PLEC: variants seen among roughly 807,000 people sequenced by gnomAD.
PLEC encodes the protein plectin.
In PLEC, 216 loss-of-function variants were observed where a neutral mutation model predicts 392.8. That is an observed-to-expected ratio of 0.55 (90% confidence interval 0.49 to 0.62). The LOEUF is 0.62. Among genes scored for constraint, PLEC ranks in the 20% least tolerant of loss-of-function variants. PLEC has a pLI of 0.00. For synonymous variants in PLEC, 3,621 were observed against 2,980.6 expected (o/e 1.21, Z -7.00); for missense variants, 6,863 against 6,563.4 (o/e 1.05, Z -1.58).
In PLEC at chr8:143,922,068, C is replaced by G. The variant is rs200488179; in HGVS notation, c.7753G>C (p.Glu2585Gln). The change falls in exon 32 of 32, where the codon GAG becomes CAG. Residue 2585 changes from glutamate to glutamine, a missense_variant. Transcript: ENST00000345136. ...CTCTGGTTCTCCTCAGCCAGCAGCT[C>G]CTCCTGCTGCCGCCGCTGCTGCTCC... ...QLEQQRRQQE[E>Q]LLAEENQRLR... The G allele has an allele frequency of 2.0e-3, 3,216 of 1,583,908 alleles. 6 individuals are homozygous for G. The highest frequency in any genetic ancestry group is 2.5e-3 in the Non-Finnish European group (2,987 of 1,173,078).
chr8:143,976,542 T>TCCAGTTC (rs1206048146), upstream of PLEC, among the ~76,000 whole-genome samples: 1 of 151,706 alleles, frequency 6.6e-6, no homozygotes, highest in East Asian at 2.0e-4. Flanking sequence ...TTCCGCAGTC[T>TCCAGTTC]CGGGCGTGCA....
chr8:143,973,633 C>T (rs1352490530), upstream of PLEC: 1 of 706,108 alleles, frequency 1.4e-6, no homozygotes, highest in African/African-American at 2.0e-5. This position sits in a 1 kb window ranked among gnomAD's most constrained non-coding sequence, Gnocchi z 5.6. Context: ...CCGGGGCCGC[C>T]GCGGCCGGGC....
exon 1 of PLEC, chr8:143,950,685 G>C: frequency 6.4e-7 from 1 of 1,568,726 alleles, no homozygotes; most frequent in Admixed American, 1.9e-5. Context: ...TGGTCCCGTG[G>C]CATGAGCATG....
At chr8:143,941,730 C>T (rs1411803458), upstream of PLEC, among the ~76,000 whole-genome samples, 1 of 149,864 alleles carries the variant, frequency 6.7e-6, no homozygotes, top group African/African-American at 2.5e-5. Context: ...CAGACACACC[C>T]GCCCCACCCA....
At chr8:143,964,056 A>C (rs78353351) in intron 1 of PLEC, among the ~76,000 whole-genome samples, 2 of 152,032 alleles carry the variant, frequency 1.3e-5, no homozygotes, top group African/African-American at 4.8e-5. Context: ...ATCCACCCAC[A>C]GGCCTCCCAA....
rs782794582 is a variant in PLEC, at chr8:143,921,259, A to G, written c.8562T>C (p.Phe2854=). The change falls in exon 32 of 32, where the codon TTT becomes TTC. Residue 2854 remains phenylalanine (F), a synonymous_variant. Coordinates refer to ENST00000345136, the MANE Select transcript of PLEC (RefSeq NM_201384.3). The stretch of plus-strand genomic sequence containing the variant: ...TGAGGTTCTCGTGCGTGTTGGGGTC[A>G]AAGAAGCCCTTGGTGTCGTCGCTGG... The part of the protein sequence containing the change: ...ADPSDDTKGF[F]DPNTHENLTY... 232 of 1,613,988 alleles carry G rather than the reference A, an allele frequency of 1.4e-4. No homozygotes were observed. The highest frequency in any genetic ancestry group is 1.5e-4 in the Non-Finnish European group (176 of 1,180,050).
chr8:143,943,791 G>A (rs781805561), upstream of PLEC: 9 of 1,611,788 alleles, frequency 5.6e-6, no homozygotes, highest in East Asian at 1.8e-4. Flanking sequence ...TGCTCGTCCT[G>A]CGCCCACCGA....
chr8:143,971,279 C>T (rs1374317236), intron 1 of PLEC, among the ~76,000 whole-genome samples: 1 of 152,170 alleles, frequency 6.6e-6, no homozygotes, highest in Admixed American at 6.5e-5. Context: ...AGCACCTCCT[C>T]AGTGCAGGGA....
At chr8:143,976,072 C>G (rs112351330), upstream of PLEC, among the ~76,000 whole-genome samples, 1,065 of 151,726 alleles carry the variant, frequency 7.0e-3, 8 homozygotes, top group African/African-American at 0.024. Context: ...AGTCCCACCT[C>G]GATCTCCGCA....
At chr8:143,946,964 C>T (rs1207739334) in intron 1 of PLEC, among the ~76,000 whole-genome samples, 1 of 152,154 alleles carries the variant, frequency 6.6e-6, no homozygotes, top group Non-Finnish European at 1.5e-5. Context: ...ACCTGCCTCC[C>T]CTCTCCATAC....
Position 143,946,474 on chromosome 8 carries a change from G to A in PLEC, c.523+3710C>T. 4 of 1,079,204 alleles carry A rather than the reference G, an allele frequency of 3.7e-6. No homozygotes were observed. The South Asian group carries it at 5.3e-5, about 14-fold the overall frequency. The allele number at this position is 1,079,204 out of a possible 1,614,324, so 66.9% of individuals were successfully genotyped here. A position where few individuals can be genotyped will look rare whatever the true frequency, so the allele number is the denominator to read the frequency against. ...AAGGAGGGAAGGGGTGGGAGGCAGA[G>A]GGAGGGCCCACTCATGCCCTGGTAG... is the stretch of plus-strand genomic sequence containing the variant. On this transcript the variant is annotated intron_variant, in intron 1 of 31. Coordinates refer to the PLEC transcript ENST00000322810.
chr8:143,934,244 G>A (rs1330369578), intron 11 of PLEC, 74 bp downstream of exon 11: 24 of 1,601,482 alleles, frequency 1.5e-5, no homozygotes, highest in Middle Eastern at 3.5e-4. Flanking sequence ...GGGGCGGGGC[G>A]GGGAGGGGGG....
chr8:143,958,470 TA>T (rs1832711441), upstream of PLEC: 1 of 314,302 alleles, frequency 3.2e-6, no homozygotes, highest in African/African-American at 2.2e-5. This position sits in a 1 kb window ranked among gnomAD's most constrained non-coding sequence, Gnocchi z 4.9. Context: ...GACCATCCAT[TA>T]GGGGGCCCAT....
chr8:143,926,801 G>A lies in PLEC; in HGVS notation c.4027C>T (p.Arg1343Cys), dbSNP rs376359597. ...YIKFISETLR[R>C]MEEEERLAEQ... ...GGCTGTACCTCCTCCTCCTCCATGC[G>A]CCGCAGAGTCTCGCTGATGAACTTG... Residue 1343 changes from arginine (R) to cysteine (C), a missense_variant, in exon 30 of 32, where the codon CGC (arginine) becomes TGC (cysteine). By Grantham distance (180) the Arg-to-Cys change is radical. Transcript: ENST00000345136. The A allele has an allele frequency of 1.3e-5, 21 of 1,613,392 alleles. No individual in the cohort carries two copies. The highest frequency in any genetic ancestry group is 1.6e-4 in the Middle Eastern group (1 of 6,082).
rs561225406 is a variant in PLEC at position 143,925,583 on chromosome 8, C to T, written c.4346G>A (p.Arg1449His). The T allele has an allele frequency of 8.8e-5, 139 of 1,576,944 alleles. 1 individual carries two copies. In the South Asian group the frequency reaches 1.2e-3, roughly 14 times the overall value. The change falls in exon 31 of 32, where the codon CGC becomes CAC. Residue 1449 changes from arginine (R) to histidine (H), a missense_variant. Transcript: ENST00000345136. ...CACCACGCGGATCTCCTCCTCGATG[C>T]GCAGCCGGCTGCGCTCAGCCGCCTC... ...QAEAAERSRLRIEEEIRVVRL... is the reference protein window; with the variant it reads ...QAEAAERSRLHIEEEIRVVRL...
At chr8:143,931,827 C>G in intron 18 of PLEC, 110 bp downstream of exon 18, 2 of 1,417,790 alleles carry the variant, frequency 1.4e-6, no homozygotes, top group Non-Finnish European at 1.9e-6. Context: ...CAGGCAGCAG[C>G]TGGCAACGTC....
rs1413877742 is a variant in PLEC at position 143,932,134 on chromosome 8, A to C, written c.2078T>G (p.Val693Gly). 3 of 1,605,658 alleles carry C rather than the reference A, an allele frequency of 1.9e-6. No individual in the cohort carries two copies. In the African/African-American group the frequency reaches 4.1e-5, roughly 22 times the overall value. Residue 693 changes from valine to glycine, a missense_variant, in exon 17 of 32, where the codon GTG becomes GGG. Physicochemically the swap from Val to Gly is moderately radical, Grantham distance 109 (BLOSUM62 -3). Transcript: ENST00000345136. ...LREDHPARPT[V>G]ESFQAALQTQ... ...CCCCTACCCAGGGAGCCCCACCTCC[A>C]CCGTGGGCCGGGCCGGGTGGTCCTC...
At chr8:143,945,348 C>G (rs1831304281) in intron 1 of PLEC, 2 of 361,854 alleles carry the variant, frequency 5.5e-6, no homozygotes, top group South Asian at 2.0e-5. Flanking sequence ...CTGGCTCCAC[C>G]CAGGAGTCCC....
upstream of PLEC, chr8:143,942,639 C>G: frequency 8.3e-7 from 1 of 1,204,176 alleles, no homozygotes; most frequent in African/African-American, 1.6e-5. Context: ...CTTCCACCTC[C>G]CCCCCACAAT....
Sources: allele counts gnomAD v4.1 joint callset (sites outside exome capture counted in the v4.1 genomes callset), GRCh38; gene constraint gnomAD v4.1.1; non-coding constraint Gnocchi (gnomAD v3.1); transcripts MANE v1.5; gene names NCBI Gene and HGNC (gene_info 2026-07-23, HGNC 2026-07-21).